NELL1: variants seen among roughly 807,000 people sequenced by gnomAD.
NELL1 encodes protein kinase C-binding protein NELL1.
A neutral mutation model predicts 107.4 loss-of-function variants in NELL1; 76 were observed. That is an observed-to-expected ratio of 0.71 (90% CI 0.59 to 0.86). The LOEUF (loss-of-function observed/expected upper bound fraction) is 0.86. Among genes scored for constraint, NELL1 ranks in the 40% least tolerant of loss-of-function variants. The pLI, the probability that NELL1 is intolerant of heterozygous loss-of-function variation, is 0.00. For synonymous variants in NELL1, 353 were observed against 341.2 expected, an observed-to-expected ratio of 1.03 and a Z score of -0.38; for missense variants, 1,024 against 1,005.5, an observed-to-expected ratio of 1.02 and a Z score of -0.25.
intron 3 of NELL1, among the ~76,000 whole-genome samples, chr11:20,837,902 T>G (rs140542112): frequency 6.6e-6 from 1 of 152,104 alleles, no homozygotes; most frequent in Non-Finnish European, 1.5e-5. Flanking sequence ...AATCTTTTCA[T>G]TTCAATATTC....
chr11:20,711,063 T>C (rs1340974114), intron 2 of NELL1, among the ~76,000 whole-genome samples: 1 of 152,164 alleles, frequency 6.6e-6, no homozygotes, highest in African/African-American at 2.4e-5. Flanking sequence ...TTTCTTTTTC[T>C]GAGTTTAGGT....
chr11:20,859,940 G>A (rs1407431235), intron 4 of NELL1, among the ~76,000 whole-genome samples: 4 of 152,084 alleles, frequency 2.6e-5, no homozygotes, highest in Admixed American at 1.3e-4. Flanking sequence ...ACACAATTAC[G>A]CTTGTTTAAT....
At chr11:20,858,176 G>A (rs1204206314) in intron 4 of NELL1, among the ~76,000 whole-genome samples, 1 of 152,130 alleles carries the variant, frequency 6.6e-6, no homozygotes, top group African/African-American at 2.4e-5. Flanking sequence ...AGATATTGAA[G>A]CCTGTAGTCC....
chr11:21,166,490 C>T (rs1270898646), intron 13 of NELL1, among the ~76,000 whole-genome samples: 1 of 151,748 alleles, frequency 6.6e-6, no homozygotes, highest in Non-Finnish European at 1.5e-5. Flanking sequence ...AGAATAAATG[C>T]TTGTCATGAT....
chr11:20,688,628 A>G (rs1854369464), intron 2 of NELL1, among the ~76,000 whole-genome samples: 1 of 152,110 alleles, frequency 6.6e-6, no homozygotes, highest in South Asian at 2.1e-4. Context: ...TCTTTATCCA[A>G]TCCACCATTA....
chr11:21,124,768 A>G (rs1855452442), intron 13 of NELL1, among the ~76,000 whole-genome samples: 1 of 151,720 alleles, frequency 6.6e-6, no homozygotes, highest in South Asian at 2.1e-4. Flanking sequence ...CACCCAGCTA[A>G]TTTTGTATTT....
chr11:21,440,628 G>T (rs961456), intron 15 of NELL1, among the ~76,000 whole-genome samples: 1 of 151,102 alleles, frequency 6.6e-6, no homozygotes. Flanking sequence ...TACTGAAGGA[G>T]CGTTGTTAGT....
At chr11:21,376,357 T>C (rs905250025) in intron 15 of NELL1, among the ~76,000 whole-genome samples, 3 of 152,136 alleles carry the variant, frequency 2.0e-5, no homozygotes, top group Admixed American at 6.6e-5. Context: ...CAGATGGCTG[T>C]GGGTGTGCAG....
intron 14 of NELL1, among the ~76,000 whole-genome samples, chr11:21,269,256 A>G (rs573493994): frequency 6.6e-6 from 1 of 152,190 alleles, no homozygotes; most frequent in Non-Finnish European, 1.5e-5. Flanking sequence ...AACAATAATG[A>G]CTGAGAATTT....
chr11:20,993,008 A>T (rs1307700258), intron 12 of NELL1, among the ~76,000 whole-genome samples: 1 of 152,018 alleles, frequency 6.6e-6, no homozygotes, highest in Non-Finnish European at 1.5e-5. Context: ...CACCTTCTAG[A>T]AGCTTTGTGT....
intron 14 of NELL1, among the ~76,000 whole-genome samples, chr11:21,251,944 A>G (rs1235687095): frequency 6.6e-6 from 1 of 152,132 alleles, no homozygotes; most frequent in East Asian, 1.9e-4. Flanking sequence ...CAAGAACAAG[A>G]TTAATGTTCA....
At position 20,863,451 on chromosome 11, in the gene NELL1, GC is replaced by G. The variant is rs982091248; in HGVS notation, c.506+15699del. On this transcript the variant is annotated intron_variant, in intron 4 of 19. Transcript: ENST00000357134. ...GAAGGGGTGGCTGCTGGGCGGAGGG[GC>G]TCCTCACTTCTCAGACGGGGCGGCC... Among the ~76,000 whole-genome samples, 7 of 130,288 alleles carry G rather than the reference GC, an allele frequency of 5.4e-5. 1 individual carries two copies. Among genetic ancestry groups the G allele is most frequent in the African/African-American group, 1.9e-4 (7 of 36,758 alleles). 85.5% of individuals were successfully genotyped at this position (130,288 alleles called of 152,430 possible).
At chr11:20,695,414 A>G (rs1228321120) in intron 2 of NELL1, among the ~76,000 whole-genome samples, 1 of 152,018 alleles carries the variant, frequency 6.6e-6, no homozygotes, top group African/African-American at 2.4e-5. Context: ...GTCCAATACG[A>G]TGGTGGCTAT....
chr11:20,875,148 G>A (rs774042059), intron 4 of NELL1, among the ~76,000 whole-genome samples: 13 of 152,012 alleles, frequency 8.6e-5, no homozygotes, highest in South Asian at 2.1e-4. Flanking sequence ...ATCTTAGCTC[G>A]CTGTTGACCA....
intron 14 of NELL1, among the ~76,000 whole-genome samples, chr11:21,264,459 G>A (rs1478433738): frequency 6.6e-6 from 1 of 151,800 alleles, no homozygotes; most frequent in African/African-American, 2.4e-5. Flanking sequence ...GAAGGCTGGA[G>A]GGAATCTTTT....
chr11:20,861,274 A>G (rs1048875352), intron 4 of NELL1, among the ~76,000 whole-genome samples: 6 of 152,164 alleles, frequency 3.9e-5, no homozygotes, highest in Non-Finnish European at 7.4e-5. Flanking sequence ...CCATAATGAT[A>G]TAGCATTGTA....
intron 13 of NELL1, among the ~76,000 whole-genome samples, chr11:21,222,857 A>T (rs1033423493): frequency 8.6e-6 from 1 of 115,916 alleles, no homozygotes; most frequent in Non-Finnish European, 2.0e-5. Flanking sequence ...TAATTTTCAA[A>T]GTTCCTCTTG....
intron 3 of NELL1, among the ~76,000 whole-genome samples, chr11:20,812,196 A>G (rs560631670): frequency 1.3e-5 from 2 of 152,270 alleles, no homozygotes; most frequent in Admixed American, 6.5e-5. Context: ...TGAGATGATC[A>G]TATTTTTTTT....
chr11:21,338,658 AC>A (rs1850490987), intron 14 of NELL1, among the ~76,000 whole-genome samples: 1 of 151,834 alleles, frequency 6.6e-6, no homozygotes, highest in Non-Finnish European at 1.5e-5. Context: ...CCTTGAAACT[AC>A]TGGCATGAAT....
Sources: allele counts gnomAD v4.1 joint callset (sites outside exome capture counted in the v4.1 genomes callset), GRCh38; gene constraint gnomAD v4.1.1; transcripts MANE v1.5; gene names NCBI Gene and HGNC (gene_info 2026-07-23, HGNC 2026-07-21).